The following SPMIP2 variants were observed in gnomAD, a reference collection of about 807,000 sequenced individuals.
The protein encoded by SPMIP2 is sperm microtubule inner protein 2, also known as protein SPMIP2.
chr4:159,032,005 G>A, the SPMIP2 span, among the ~76,000 whole-genome samples: 23 of 152,008 alleles, frequency 1.5e-4, no homozygotes, highest in African/African-American at 5.1e-4. Flanking sequence ...GCAGATCACC[G>A]GAGGTCAGGA....
the SPMIP2 span, among the ~76,000 whole-genome samples, chr4:158,908,227 G>C: frequency 6.6e-6 from 1 of 152,254 alleles, no homozygotes; most frequent in South Asian, 2.1e-4. Flanking sequence ...TACTGGCACA[G>C]AGAGGCTGGG....
At chr4:158,921,423 CAG>C in the SPMIP2 span, among the ~76,000 whole-genome samples, 1 of 151,606 alleles carries the variant, frequency 6.6e-6, no homozygotes, top group Non-Finnish European at 1.5e-5. Context: ...GCCTGGGTGA[CAG>C]AATGAGATTC....
the SPMIP2 span, among the ~76,000 whole-genome samples, chr4:158,929,593 T>C: frequency 6.6e-6 from 1 of 152,218 alleles, no homozygotes; most frequent in African/African-American, 2.4e-5. Flanking sequence ...GTCTGGGGAT[T>C]ATCATTAATA....
chr4:159,055,783 G>C, the SPMIP2 span, among the ~76,000 whole-genome samples: 1 of 152,200 alleles, frequency 6.6e-6, no homozygotes, highest in Non-Finnish European at 1.5e-5. Context: ...GGCTGATGTG[G>C]TGAACACTGA....
chr4:158,981,870 T>C, the SPMIP2 span, among the ~76,000 whole-genome samples: 2 of 114,402 alleles, frequency 1.7e-5, no homozygotes, highest in Non-Finnish European at 3.6e-5. Context: ...AATTCACACA[T>C]AACAATATTA....
At chr4:159,078,943 C>T in the SPMIP2 span, among the ~76,000 whole-genome samples, 12 of 151,932 alleles carry the variant, frequency 7.9e-5, no homozygotes, top group Admixed American at 4.6e-4. Flanking sequence ...CACAGTGAAA[C>T]CCCATCTCTA....
the SPMIP2 span, among the ~76,000 whole-genome samples, chr4:158,938,784 G>A: frequency 1.3e-5 from 2 of 152,180 alleles, no homozygotes; most frequent in African/African-American, 4.8e-5. Flanking sequence ...AATACACAGT[G>A]TTTATTGATT....
At chr4:158,896,972 TCTC>T in the SPMIP2 span, among the ~76,000 whole-genome samples, 1 of 152,086 alleles carries the variant, frequency 6.6e-6, no homozygotes, top group Non-Finnish European at 1.5e-5. Context: ...ATTAGGTACT[TCTC>T]CTAATGCTAT....
At chr4:159,007,663 A>T in the SPMIP2 span, 1 of 747,670 alleles carries the variant, frequency 1.3e-6, no homozygotes, top group Non-Finnish European at 2.3e-6. Flanking sequence ...AAGGAGACTC[A>T]TGTAATGGAC....
At chr4:159,044,536 T>G in the SPMIP2 span, among the ~76,000 whole-genome samples, 1 of 150,970 alleles carries the variant, frequency 6.6e-6, no homozygotes, top group African/African-American at 2.4e-5. Context: ...GGAGAAATAA[T>G]GTCGTGGTGG....
the SPMIP2 span, chr4:158,904,456 C>T: frequency 6.2e-7 from 1 of 1,607,096 alleles, no homozygotes; most frequent in South Asian, 1.1e-5. Context: ...TTTCTTTTCT[C>T]AATATTCAGG....
chr4:159,062,922 G>A, the SPMIP2 span, among the ~76,000 whole-genome samples: 1 of 150,514 alleles, frequency 6.6e-6, no homozygotes, highest in African/African-American at 2.4e-5. Context: ...CAAACTCCTG[G>A]GCTCAACGGA....
the SPMIP2 span, among the ~76,000 whole-genome samples, chr4:159,041,033 C>T: frequency 1.3e-5 from 2 of 152,112 alleles, no homozygotes; most frequent in Non-Finnish European, 2.9e-5. Context: ...ATCCTTGCCA[C>T]CCACCCCATT....
the SPMIP2 span, among the ~76,000 whole-genome samples, chr4:159,043,218 T>C: frequency 6.6e-6 from 1 of 152,244 alleles, no homozygotes; most frequent in Admixed American, 6.5e-5. Flanking sequence ...AAACACTGGA[T>C]ACAGTTAGCT....
the SPMIP2 span, among the ~76,000 whole-genome samples, chr4:158,978,975 C>G: frequency 1.2e-4 from 19 of 152,258 alleles, no homozygotes; most frequent in Non-Finnish European, 2.9e-5. Context: ...CCACAGCCGC[C>G]CCTTCCCCCA....
chr4:158,972,330 CCAGCCTGGGCGG>C, the SPMIP2 span, among the ~76,000 whole-genome samples: 1 of 152,156 alleles, frequency 6.6e-6, no homozygotes, highest in East Asian at 1.9e-4. Context: ...CCACTGCACT[CCAGCCTGGGCGG>C]CAGAGTGAGA....
At chr4:158,934,462 AAAAAT>A in the SPMIP2 span, among the ~76,000 whole-genome samples, 828 of 152,268 alleles carry the variant, frequency 5.4e-3, 5 homozygotes, top group African/African-American at 0.017. Flanking sequence ...ACTCAGTCTC[AAAAAT>A]AAAATAAAAT....
the SPMIP2 span, among the ~76,000 whole-genome samples, chr4:158,928,946 A>C: frequency 1.2e-4 from 19 of 152,202 alleles, no homozygotes; most frequent in African/African-American, 3.9e-4. Context: ...TGAACGCATC[A>C]GAACATCAGA....
At chr4:158,942,381 C>A in the SPMIP2 span, among the ~76,000 whole-genome samples, 8 of 152,178 alleles carry the variant, frequency 5.3e-5, no homozygotes, top group Non-Finnish European at 1.0e-4. Context: ...CCACTGCACC[C>A]TCTAAAATCC....
Sources: allele counts gnomAD v4.1 joint callset (sites outside exome capture counted in the v4.1 genomes callset), GRCh38; gene constraint gnomAD v4.1.1; transcripts MANE v1.5; gene names NCBI Gene and HGNC (gene_info 2026-07-23, HGNC 2026-07-21).